Variants in GRID2 observed in about 807,000 individuals in gnomAD.
The protein encoded by GRID2 is glutamate receptor ionotropic, delta-2.
In GRID2, 33 loss-of-function variants were observed where a neutral mutation model predicts 114.8. That is an observed-to-expected ratio of 0.29 (90% confidence interval 0.22 to 0.38). The LOEUF (loss-of-function observed/expected upper bound fraction) is 0.38. Among genes scored for constraint, GRID2 ranks in the 10% least tolerant of loss-of-function variants. The pLI is 1.00. For missense variants in GRID2, 1,184 were observed against 1,257.7 expected (o/e 0.94, Z 0.89); for synonymous variants, 505 against 449.9 (o/e 1.12, Z -1.55).
chr4:93,770,676 T>A (rs1018852599), intron 15 of GRID2, among the ~76,000 whole-genome samples: 1 of 152,208 alleles, frequency 6.6e-6, no homozygotes, highest in Admixed American at 6.5e-5. Flanking sequence ...GCTTCTGGTA[T>A]CTCCGTTGAC....
At chr4:92,319,303 A>G (rs1386016385) in intron 1 of GRID2, among the ~76,000 whole-genome samples, 1 of 152,158 alleles carries the variant, frequency 6.6e-6, no homozygotes, top group Non-Finnish European at 1.5e-5. Flanking sequence ...TTCACTCCCA[A>G]TTCAAAGTAA....
chr4:92,575,969 A>C (rs1161781497), intron 1 of GRID2, among the ~76,000 whole-genome samples: 3 of 152,140 alleles, frequency 2.0e-5, no homozygotes, highest in African/African-American at 7.2e-5. Flanking sequence ...AGCAGTCTGG[A>C]TATGTCTTGA....
intron 8 of GRID2, among the ~76,000 whole-genome samples, chr4:93,271,511 G>C (rs1249866607): frequency 6.6e-6 from 1 of 152,158 alleles, no homozygotes; most frequent in Non-Finnish European, 1.5e-5. Flanking sequence ...TATTTTCCCA[G>C]CTGTAGATTT....
intron 8 of GRID2, among the ~76,000 whole-genome samples, chr4:93,363,391 G>A (rs896757333): frequency 3.3e-5 from 5 of 152,080 alleles, no homozygotes; most frequent in Non-Finnish European, 7.4e-5. Flanking sequence ...GTGGTTAAGA[G>A]GAGTGATGAT....
At chr4:92,725,645 C>A (rs201096252) in intron 2 of GRID2, among the ~76,000 whole-genome samples, 2 of 152,046 alleles carry the variant, frequency 1.3e-5, no homozygotes, top group African/African-American at 4.8e-5. Context: ...ATGTTCGTAT[C>A]GTCTAAGGTG....
intron 1 of GRID2, among the ~76,000 whole-genome samples, chr4:92,318,470 G>C (rs1251424831): frequency 2.0e-5 from 3 of 149,700 alleles, no homozygotes; most frequent in Non-Finnish European, 4.4e-5. Flanking sequence ...CTCTTTGGAG[G>C]GAAAGAGAGT....
At chr4:92,459,837 T>A (rs1051764286) in intron 1 of GRID2, among the ~76,000 whole-genome samples, 1 of 150,918 alleles carries the variant, frequency 6.6e-6, no homozygotes, top group Non-Finnish European at 1.5e-5. Context: ...ATAGTATGGG[T>A]GAGTCTCATC....
chr4:93,790,126 C>G (rs566333221), intron 1 of GRID2, among the ~76,000 whole-genome samples: 10 of 150,656 alleles, frequency 6.6e-5, no homozygotes, highest in African/African-American at 2.2e-4. Flanking sequence ...ACCCCTACCC[C>G]GTGCCCATCC....
chr4:92,682,133 A>G (rs182310689), intron 2 of GRID2, among the ~76,000 whole-genome samples: 39 of 152,262 alleles, frequency 2.6e-4, no homozygotes, highest in Admixed American at 2.3e-3. Context: ...ATAGAGAATG[A>G]ATATAGATAG....
intron 2 of GRID2, among the ~76,000 whole-genome samples, chr4:92,984,948 A>G (rs1178555628): frequency 1.3e-5 from 2 of 152,038 alleles, no homozygotes; most frequent in African/African-American, 4.8e-5. Context: ...CATAATATTA[A>G]CAAGTCTTAT....
intron 10 of GRID2, among the ~76,000 whole-genome samples, chr4:93,440,862 G>T (rs1200036562): frequency 6.6e-6 from 1 of 152,160 alleles, no homozygotes; most frequent in East Asian, 1.9e-4. Flanking sequence ...GAATCATTAA[G>T]TACTTGGCCT....
chr4:93,046,137 A>G (rs1726112375), intron 2 of GRID2, among the ~76,000 whole-genome samples: 1 of 152,144 alleles, frequency 6.6e-6, no homozygotes, highest in Admixed American at 6.6e-5. Flanking sequence ...ATTTATTTTC[A>G]GGAACTTTAT....
chr4:93,357,900 A>C (rs1015044758), intron 8 of GRID2, among the ~76,000 whole-genome samples: 3 of 151,696 alleles, frequency 2.0e-5, no homozygotes. Context: ...ACCTATTTTG[A>C]TGCAAATCAT....
At chr4:92,499,374 C>A (rs1723558097) in intron 1 of GRID2, among the ~76,000 whole-genome samples, 1 of 152,090 alleles carries the variant, frequency 6.6e-6, no homozygotes, top group Admixed American at 6.6e-5. Context: ...GCTGCCCATT[C>A]CTCTCCATAG....
chr4:93,286,059 G>T (rs528350905), intron 8 of GRID2, among the ~76,000 whole-genome samples: 1 of 152,068 alleles, frequency 6.6e-6, no homozygotes, highest in South Asian at 2.1e-4. Context: ...AACAATACAT[G>T]TCAGAAAAAA....
At chr4:93,042,287 CTCTCTCTCTCTCTATA>C (rs1262057552) in intron 2 of GRID2, among the ~76,000 whole-genome samples, 1 of 84,098 alleles carries the variant, frequency 1.2e-5, no homozygotes, top group Non-Finnish European at 2.4e-5. Flanking sequence ...CTCTCTCTCT[CTCTCTCTCTCTCTATA>C]TATATATATA....
intron 2 of GRID2, among the ~76,000 whole-genome samples, chr4:92,616,214 T>A (rs558466142): frequency 6.6e-6 from 1 of 151,604 alleles, no homozygotes. Flanking sequence ...ATATTGTGAT[T>A]TCACCTTCAA....
chr4:93,091,489 T>G (rs2149329467), intron 3 of GRID2, among the ~76,000 whole-genome samples: 1 of 152,218 alleles, frequency 6.6e-6, no homozygotes, highest in Non-Finnish European at 1.5e-5. Context: ...CAGAAGTCAT[T>G]TTGAAAGACA....
chr4:93,334,640 C>A (rs1273321644), intron 8 of GRID2, among the ~76,000 whole-genome samples: 7 of 152,178 alleles, frequency 4.6e-5, no homozygotes, highest in Non-Finnish European at 8.8e-5. Context: ...CTGAAGAAAG[C>A]AGTACAGTTT....
Sources: gnomAD v4.1 joint callset for allele counts (sites outside exome capture counted in the v4.1 genomes callset) on GRCh38, gnomAD v4.1.1 for gene constraint, MANE v1.5 for transcripts, NCBI Gene and HGNC (gene_info 2026-07-23, HGNC 2026-07-21) for gene names.